GATAD2A: variants seen among roughly 807,000 people sequenced by gnomAD.
GATAD2A encodes transcriptional repressor p66-alpha.
In GATAD2A, 12 loss-of-function variants were observed where a neutral mutation model predicts 68.5. The observed-to-expected ratio is 0.18, with a 90% confidence interval of 0.11 to 0.28. The LOEUF (loss-of-function observed/expected upper bound fraction) is 0.28, where lower values mean the gene tolerates loss of function less well. GATAD2A is among the 10% of genes least tolerant of loss of function. The pLI, the probability that GATAD2A is intolerant of heterozygous loss-of-function variation, is 1.00. For missense variants in GATAD2A, 755 were observed against 868.5 expected, an observed-to-expected ratio of 0.87 and a Z score of 1.64; for synonymous variants, 410 against 375.3, an observed-to-expected ratio of 1.09 and a Z score of -1.07.
At chr19:19,495,297 TTTTTTTTCTTTTTTTC>T (rs754195537) in intron 5 of GATAD2A, among the ~76,000 whole-genome samples, 70 of 148,940 alleles carry the variant, frequency 4.7e-4, no homozygotes, top group Non-Finnish European at 8.2e-4. Context: ...CCCAGCCAGC[TTTTTTTTCTTTTTTTC>T]TTTTTTTCTT....
chr19:19,475,238 G>A (rs570700999), intron 2 of GATAD2A, among the ~76,000 whole-genome samples: 25 of 152,356 alleles, frequency 1.6e-4, no homozygotes, highest in African/African-American at 5.3e-4. Context: ...AGCTGTCGAC[G>A]TGAGGGCTCA....
upstream of GATAD2A, among the ~76,000 whole-genome samples, chr19:19,404,095 A>G (rs534324646): frequency 2.0e-5 from 3 of 152,146 alleles, no homozygotes; most frequent in African/African-American, 7.2e-5. Context: ...CAGATGTTGC[A>G]TTAAGTAGTG....
At chr19:19,401,689 ATGT>A (rs957867606), upstream of GATAD2A, among the ~76,000 whole-genome samples, 1 of 151,898 alleles carries the variant, frequency 6.6e-6, no homozygotes, top group Non-Finnish European at 1.5e-5. Context: ...GTCATCTTGT[ATGT>A]TGTCCACCAA....
intron 2 of GATAD2A, among the ~76,000 whole-genome samples, chr19:19,491,034 C>T (rs573559730): frequency 5.3e-5 from 8 of 152,204 alleles, no homozygotes; most frequent in African/African-American, 1.4e-4. Context: ...TTCAGCCTTG[C>T]GCCTTCAGTA....
chr19:19,391,510 A>G (rs1272098357), intron 1 of GATAD2A, among the ~76,000 whole-genome samples: 1 of 152,154 alleles, frequency 6.6e-6, no homozygotes, highest in East Asian at 1.9e-4. Flanking sequence ...ACTAAGGTAA[A>G]CAACTTTAAA....
At chr19:19,486,523 A>G (rs1186896056) in intron 2 of GATAD2A, among the ~76,000 whole-genome samples, 1 of 152,232 alleles carries the variant, frequency 6.6e-6, no homozygotes, top group Non-Finnish European at 1.5e-5. Context: ...GTGATCTGAC[A>G]GCAGGATGCT....
intron 1 of GATAD2A, among the ~76,000 whole-genome samples, chr19:19,422,485 G>T (rs2147283065): frequency 6.6e-6 from 1 of 152,276 alleles, no homozygotes; most frequent in African/African-American, 2.4e-5. Context: ...TGTCCCTTCT[G>T]TGACATCTAA....
intron 1 of GATAD2A, among the ~76,000 whole-genome samples, chr19:19,419,662 A>T (rs2052102228): frequency 6.6e-6 from 1 of 152,030 alleles, no homozygotes; most frequent in African/African-American, 2.4e-5. Context: ...GATTACAGGC[A>T]CAAGCCACCA....
At position 19,496,230 on chromosome 19, in the gene GATAD2A, C is replaced by T. The variant is rs916281264; in HGVS notation, c.924+11C>T. ...GTCAACATCCCACAGGTGAGGGCTG[C>T]GCCACACTGTGCCAGGGAGAGTGTG... On this transcript the variant is annotated intron_variant, in intron 7 of 11. Coordinates refer to ENST00000683918, the MANE Select transcript of GATAD2A (RefSeq NM_001384528.1). 7 of 1,611,320 alleles carry T rather than the reference C, an allele frequency of 4.3e-6. No homozygotes were observed. Among genetic ancestry groups the T allele is most frequent in the Admixed American group, 1.7e-5 (1 of 60,006 alleles).
chr19:19,442,357 G>C (rs1457309509), intron 1 of GATAD2A, among the ~76,000 whole-genome samples: 1 of 151,846 alleles, frequency 6.6e-6, no homozygotes. Flanking sequence ...TGGATGCCGT[G>C]GCTCACACCT....
chr19:19,405,033 T>C (rs1173468565), upstream of GATAD2A, among the ~76,000 whole-genome samples: 1 of 152,184 alleles, frequency 6.6e-6, no homozygotes, highest in African/African-American at 2.4e-5. Context: ...GTTTCCTCCT[T>C]GTTACTGGAG....
At chr19:19,475,353 G>A (rs1469553994) in intron 2 of GATAD2A, among the ~76,000 whole-genome samples, 1 of 152,198 alleles carries the variant, frequency 6.6e-6, no homozygotes, top group Non-Finnish European at 1.5e-5. Flanking sequence ...ATCCCCCATC[G>A]GGGTGCCAGA....
intron 2 of GATAD2A, among the ~76,000 whole-genome samples, chr19:19,484,285 A>T (rs774808556): frequency 7.9e-5 from 12 of 152,064 alleles, no homozygotes; most frequent in Non-Finnish European, 1.3e-4. Context: ...AATTGAAAAA[A>T]ATTAGCCAGG....
intron 2 of GATAD2A, among the ~76,000 whole-genome samples, chr19:19,467,817 G>A (rs1258591303): frequency 2.0e-5 from 3 of 152,186 alleles, no homozygotes; most frequent in Non-Finnish European, 2.9e-5. Context: ...GCATGTGTGT[G>A]TATAGTGTAC....
At chr19:19,457,585 C>CA (rs1360772123) in intron 1 of GATAD2A, among the ~76,000 whole-genome samples, 2 of 151,888 alleles carry the variant, frequency 1.3e-5, no homozygotes, top group South Asian at 2.1e-4. Context: ...CTAAAAAATA[C>CA]AAAAAATTAG....
intron 1 of GATAD2A, among the ~76,000 whole-genome samples, chr19:19,394,012 G>A (rs953067759): frequency 4.0e-5 from 6 of 151,538 alleles, no homozygotes; most frequent in South Asian, 2.1e-4. Context: ...TCAGCCTCCC[G>A]AGTAGCTGGG....
At chr19:19,470,154 T>TTTA (rs779324167) in intron 2 of GATAD2A, among the ~76,000 whole-genome samples, 1 of 133,228 alleles carries the variant, frequency 7.5e-6, no homozygotes, top group South Asian at 2.4e-4. Context: ...TTTTTTTTTT[T>TTTA]GTTTTTTTTT....
rs2059872347 is a variant in GATAD2A at position 19,492,571 on chromosome 19, G to A, written c.403-10G>A. On this transcript the variant is annotated splice_polypyrimidine_tract_variant and intron_variant, in intron 3 of 11. Transcript: ENST00000683918. The stretch of plus-strand genomic sequence containing the variant: ...GCTCCCTCTCAACCCTGTTCCTCTC[G>A]CCCCTGCAGAAAAGCAGTCCTGAAG... The A allele has an allele frequency of 1.2e-6, 2 of 1,614,092 alleles. No homozygotes were observed. Among genetic ancestry groups the A allele is most frequent in the Non-Finnish European group, 1.7e-6 (2 of 1,179,978 alleles).
chr19:19,492,826 G>T, intron 4 of GATAD2A, 114 bp downstream of exon 4: 1 of 1,013,604 alleles, frequency 9.9e-7, no homozygotes, highest in Non-Finnish European at 1.5e-6. Flanking sequence ...AGGGAGTATA[G>T]GGCAAGGTCC....
Sources: gnomAD v4.1 joint callset for allele counts (sites outside exome capture counted in the v4.1 genomes callset) on GRCh38, gnomAD v4.1.1 for gene constraint, MANE v1.5 for transcripts, NCBI Gene and HGNC (gene_info 2026-07-23, HGNC 2026-07-21) for gene names.